Variants in CNKSR2 observed in about 807,000 individuals in gnomAD.
CNKSR2 encodes the protein connector enhancer of kinase suppressor of Ras 2.
Under a neutral mutation model 84.4 loss-of-function variants are expected in CNKSR2, and 14 were observed. The ratio of observed to expected loss-of-function variants is 0.17; its 90% CI spans 0.11 to 0.26. The LOEUF (loss-of-function observed/expected upper bound fraction) is 0.26, where lower values mean the gene tolerates loss of function less well. CNKSR2 is among the 10% of genes least tolerant of loss of function. CNKSR2 has a pLI of 1.00. For synonymous variants in CNKSR2, 275 were observed against 277.9 expected (o/e 0.99, Z 0.10); for missense variants, 485 against 771.2 (o/e 0.63, Z 4.40).
chrX:21,494,371 G>C (rs1335852743), intron 6 of CNKSR2: 5 of 112,416 alleles, frequency 4.4e-5, no homozygotes, highest in African/African-American at 1.6e-4. Flanking sequence ...TCAAGATGTT[G>C]ACAGCTGTTG....
At chrX:21,430,611 A>G (rs1485552189) in intron 2 of CNKSR2, among the ~76,000 whole-genome samples, 1 of 112,103 alleles carries the variant, frequency 8.9e-6, no homozygotes, top group Non-Finnish European at 1.9e-5. Context: ...GAAAAATACA[A>G]TCATTTTTTA....
intron 7 of CNKSR2, among the ~76,000 whole-genome samples, chrX:21,499,781 T>C (rs1447300253): frequency 9.0e-6 from 1 of 110,878 alleles, no homozygotes; most frequent in Admixed American, 9.6e-5. Context: ...TTTTCTTATA[T>C]GTGAAATGAG....
intron 17 of CNKSR2, among the ~76,000 whole-genome samples, chrX:21,595,851 A>G (rs987076520): frequency 2.7e-5 from 3 of 111,716 alleles, no homozygotes; most frequent in Non-Finnish European, 5.7e-5. Context: ...CACAACCAAC[A>G]AATCAGATAG....
chrX:21,561,667 A>G (rs2092191168), intron 12 of CNKSR2, 107 bp downstream of exon 12: 1 of 555,395 alleles, frequency 1.8e-6, no homozygotes, highest in Non-Finnish European at 3.0e-6. Flanking sequence ...TTATTCTATC[A>G]TTGACTTTAT....
chrX:21,469,401 T>C (rs1007104594), intron 4 of CNKSR2, among the ~76,000 whole-genome samples: 1 of 111,946 alleles, frequency 8.9e-6, no homozygotes, highest in Admixed American at 9.5e-5. Context: ...GATCTGCATA[T>C]GTATTTCTTC....
chrX:21,510,589 G>T (rs745505863), intron 8 of CNKSR2, among the ~76,000 whole-genome samples: 2 of 111,064 alleles, frequency 1.8e-5, no homozygotes, highest in Non-Finnish European at 3.8e-5. Flanking sequence ...CAACCCCAAA[G>T]CCTCTTGTGC....
rs1241082753 is a variant in CNKSR2, at chrX:21,548,228, TGAA to T, written c.1304-13241_1304-13239del. ...ATCAAATAGACACAATAAAAAATGA[TGAA>T]GGAGAGATCACCACTGATCCCACAG... On this transcript the variant is annotated intron_variant, in intron 11 of 21. Coordinates refer to ENST00000379510, the MANE Select transcript of CNKSR2 (RefSeq NM_014927.5). Among the ~76,000 whole-genome samples, 8 of 111,425 alleles carry T rather than the reference TGAA, an allele frequency of 7.2e-5. No homozygotes were observed. The East Asian group carries it at 1.7e-3, about 24-fold the overall frequency.
chrX:21,435,312 A>C (rs1193202654), intron 3 of CNKSR2, among the ~76,000 whole-genome samples: 1 of 111,199 alleles, frequency 9.0e-6, no homozygotes, highest in South Asian at 3.8e-4. Context: ...AGATTATTCT[A>C]TTTTAAAGGG....
At chrX:21,534,372 T>C (rs1389977115) in intron 11 of CNKSR2, among the ~76,000 whole-genome samples, 1 of 110,530 alleles carries the variant, frequency 9.0e-6, no homozygotes, top group East Asian at 2.8e-4. Context: ...ATCTTAGCTA[T>C]TGTGAATAAT....
rs149762577 is a variant in CNKSR2, at chrX:21,385,318, A to G, written c.64+10357A>G. ...AATTACCAATCTAAAAGATGTTTCT[A>G]CATTTTGCCACATTTTTCTGTTGTG... On this transcript the variant is annotated intron_variant, in intron 1 of 21. Coordinates refer to ENST00000379510, the MANE Select transcript of CNKSR2 (RefSeq NM_014927.5). 6.3e-3 allele frequency among the ~76,000 whole-genome samples: 704 copies of G among 111,876 alleles called. 8 individuals carry two copies. Among genetic ancestry groups the G allele is most frequent in the African/African-American group, 0.022 (670 of 30,814 alleles).
At chrX:21,404,177 A>G (rs975542089) in intron 1 of CNKSR2, among the ~76,000 whole-genome samples, 3 of 111,933 alleles carry the variant, frequency 2.7e-5, no homozygotes, top group Admixed American at 1.9e-4. Flanking sequence ...AGATGCTTCT[A>G]TAAGAAACAG....
intron 4 of CNKSR2, among the ~76,000 whole-genome samples, chrX:21,454,633 T>G (rs893667450): frequency 4.5e-5 from 5 of 112,163 alleles, no homozygotes; most frequent in Non-Finnish European, 9.4e-5. Flanking sequence ...TCTAAGTTTA[T>G]TCTTAGAGAT....
At chrX:21,501,887 T>C (rs1008492959) in intron 8 of CNKSR2, among the ~76,000 whole-genome samples, 2 of 109,388 alleles carry the variant, frequency 1.8e-5, no homozygotes, top group African/African-American at 6.6e-5. Flanking sequence ...GAAATTAAAG[T>C]GACAGTATGT....
chrX:21,555,146 C>G (rs2147174124), intron 11 of CNKSR2, among the ~76,000 whole-genome samples: 1 of 109,956 alleles, frequency 9.1e-6, no homozygotes, highest in African/African-American at 3.3e-5. Flanking sequence ...GCATGTATGT[C>G]TTCTTTTGAA....
At chrX:21,416,758 T>C (rs1435321233) in intron 1 of CNKSR2, among the ~76,000 whole-genome samples, 1 of 111,807 alleles carries the variant, frequency 8.9e-6, no homozygotes, top group African/African-American at 3.2e-5. Context: ...CCTTTGAATT[T>C]CTGCAGTATC....
At chrX:21,484,214 C>T (rs2091355170) in intron 5 of CNKSR2, among the ~76,000 whole-genome samples, 1 of 111,320 alleles carries the variant, frequency 9.0e-6, no homozygotes, top group South Asian at 3.8e-4. Context: ...TCACTTGCAC[C>T]GAGGAGTCAG....
intron 18 of CNKSR2, among the ~76,000 whole-genome samples, chrX:21,602,420 G>T (rs1215723624): frequency 8.9e-6 from 1 of 111,971 alleles, no homozygotes; most frequent in Non-Finnish European, 1.9e-5. Context: ...CTCCCAAAAT[G>T]CTGGGATTAC....
chrX:21,630,912 A>G (rs762712329), intron 20 of CNKSR2, among the ~76,000 whole-genome samples: 43 of 111,680 alleles, frequency 3.9e-4, no homozygotes, highest in Admixed American at 9.6e-4. Context: ...AAAATCATGT[A>G]CTGTGATGTG....
At chrX:21,583,187 C>G (rs748256642) in intron 13 of CNKSR2, among the ~76,000 whole-genome samples, 1 of 111,666 alleles carries the variant, frequency 9.0e-6, no homozygotes, top group Non-Finnish European at 1.9e-5. Context: ...CCTCATCCCA[C>G]TCTAATGAAA....
Sources: allele counts gnomAD v4.1 joint callset (sites outside exome capture counted in the v4.1 genomes callset), GRCh38; gene constraint gnomAD v4.1.1; transcripts MANE v1.5; gene names NCBI Gene and HGNC (gene_info 2026-07-23, HGNC 2026-07-21).